Variants in COL24A1 observed in about 807,000 individuals in gnomAD.
The protein encoded by COL24A1 is collagen type XXIV alpha 1 chain.
A neutral mutation model predicts 253.9 loss-of-function variants in COL24A1; 224 were observed. The observed-to-expected ratio is 0.88, with a 90% confidence interval of 0.79 to 0.99. COL24A1 has a LOEUF of 0.99. COL24A1 is among the 50% of genes least tolerant of loss of function. COL24A1 has a pLI of 0.00. For missense variants in COL24A1, 2,131 were observed against 2,068.5 expected (o/e 1.03, Z -0.59); for synonymous variants, 685 against 673.7 (o/e 1.02, Z -0.26).
chr1:86,057,826 TA>T, intron 10 of COL24A1, 104 bp downstream of exon 10: 1 of 972,944 alleles, frequency 1.0e-6, no homozygotes, highest in Non-Finnish European at 1.5e-6. Context: ...ACATTTGAAT[TA>T]AATTCAAAGC....
intron 7 of COL24A1, among the ~76,000 whole-genome samples, chr1:86,078,059 C>T (rs1489550789): frequency 2.6e-5 from 4 of 152,024 alleles, no homozygotes; most frequent in Non-Finnish European, 4.4e-5. Context: ...CAACAAAATA[C>T]TCACAAACTG....
At chr1:85,774,834 A>G (rs967912052) in intron 53 of COL24A1, among the ~76,000 whole-genome samples, 2 of 152,076 alleles carry the variant, frequency 1.3e-5, no homozygotes, top group African/African-American at 4.8e-5. Flanking sequence ...TCCTGGATTC[A>G]TTGATTTCTT....
intron 59 of COL24A1, among the ~76,000 whole-genome samples, chr1:85,731,546 A>G (rs191365749): frequency 7.5e-4 from 114 of 152,330 alleles, no homozygotes; most frequent in African/African-American, 2.5e-3. Flanking sequence ...AGGCACTGTT[A>G]GATTCATTCA....
chr1:85,939,455 T>C (rs550028918), intron 24 of COL24A1, among the ~76,000 whole-genome samples: 2 of 152,180 alleles, frequency 1.3e-5, no homozygotes, highest in Non-Finnish European at 2.9e-5. Context: ...ATATGGTTTC[T>C]GGGGATTGGC....
chr1:85,971,710 C>T (rs920811966), intron 20 of COL24A1, among the ~76,000 whole-genome samples: 1 of 152,060 alleles, frequency 6.6e-6, no homozygotes, highest in South Asian at 2.1e-4. Flanking sequence ...GATAAGAGTA[C>T]AGTAAACCGA....
At chr1:85,901,848 A>AAAAAAT (rs1684344010) in intron 28 of COL24A1, among the ~76,000 whole-genome samples, 1 of 150,654 alleles carries the variant, frequency 6.6e-6, no homozygotes, top group Non-Finnish European at 1.5e-5. Context: ...AAAAAAAAAA[A>AAAAAAT]AGAACTACCA....
At chr1:86,006,615 A>C (rs778492495) in intron 19 of COL24A1, among the ~76,000 whole-genome samples, 11 of 152,210 alleles carry the variant, frequency 7.2e-5, no homozygotes, top group Non-Finnish European at 1.5e-4. Context: ...TTTTAGAAAC[A>C]ACACAAAAGA....
intron 39 of COL24A1, among the ~76,000 whole-genome samples, chr1:85,846,523 T>C (rs1677159706): frequency 6.6e-6 from 1 of 151,888 alleles, no homozygotes; most frequent in African/African-American, 2.4e-5. Context: ...TTTAAGCATA[T>C]AAGGAGTGAT....
intron 19 of COL24A1, among the ~76,000 whole-genome samples, chr1:85,994,072 T>C (rs1404558915): frequency 6.6e-6 from 1 of 152,056 alleles, no homozygotes; most frequent in Non-Finnish European, 1.5e-5. Context: ...ATTGATTTAA[T>C]ATCCACTGTG....
intron 28 of COL24A1, among the ~76,000 whole-genome samples, chr1:85,900,775 T>C (rs1442068989): frequency 6.6e-6 from 1 of 152,206 alleles, no homozygotes; most frequent in Non-Finnish European, 1.5e-5. Context: ...TATAGCCAGC[T>C]GATTTTTGAC....
chr1:86,132,291 A>G (rs1442013967), intron 2 of COL24A1, among the ~76,000 whole-genome samples: 1 of 152,150 alleles, frequency 6.6e-6, no homozygotes, highest in African/African-American at 2.4e-5. Flanking sequence ...GTAGATTGCA[A>G]AAATTTTCTC....
intron 39 of COL24A1, 69 bp from the exon 40 acceptor site, chr1:85,842,462 T>G (rs1347855137): frequency 9.5e-7 from 1 of 1,050,032 alleles, no homozygotes; most frequent in Non-Finnish European, 1.4e-6. Flanking sequence ...AGACTTCTAC[T>G]CCTATTGTTT....
chr1:85,770,189 T>C (rs1667799819), intron 53 of COL24A1, among the ~76,000 whole-genome samples: 1 of 152,186 alleles, frequency 6.6e-6, no homozygotes, highest in African/African-American at 2.4e-5. Flanking sequence ...ATTGAACACA[T>C]CGATTTAAAT....
At chr1:85,980,455 A>G (rs979840916) in intron 20 of COL24A1, among the ~76,000 whole-genome samples, 2 of 152,320 alleles carry the variant, frequency 1.3e-5, no homozygotes, top group African/African-American at 4.8e-5. Context: ...AAAAACTCCT[A>G]GCTCTGATAA....
chr1:85,877,360 G>A (rs780452457), intron 32 of COL24A1, among the ~76,000 whole-genome samples, 185 bp from the exon 33 acceptor site: 4 of 152,028 alleles, frequency 2.6e-5, no homozygotes, highest in South Asian at 2.1e-4. Context: ...ATTCATGTAT[G>A]TGTGTGTGTT....
chr1:86,088,917 C>A (rs1703274700), intron 7 of COL24A1, among the ~76,000 whole-genome samples: 2 of 152,038 alleles, frequency 1.3e-5, no homozygotes, highest in Non-Finnish European at 2.9e-5. Context: ...GAAGGGTCTT[C>A]TTTTATTTTT....
chr1:86,001,704 C>T (rs569048676), intron 19 of COL24A1, among the ~76,000 whole-genome samples: 3 of 151,952 alleles, frequency 2.0e-5, no homozygotes, highest in Non-Finnish European at 4.4e-5. Flanking sequence ...AAAAAAAGAG[C>T]ACACCGATTG....
chr1:85,787,620 C>G (rs1199004794), intron 47 of COL24A1, among the ~76,000 whole-genome samples: 1 of 152,066 alleles, frequency 6.6e-6, no homozygotes, highest in African/African-American at 2.4e-5. Context: ...CATTGATGGG[C>G]ATTTGGGTTG....
chr1:85,739,495 G>A (rs930807737), intron 57 of COL24A1, among the ~76,000 whole-genome samples: 2 of 152,166 alleles, frequency 1.3e-5, no homozygotes, highest in African/African-American at 4.8e-5. Context: ...TGTTGTGCCC[G>A]AAGGTGGCAA....
Sources: gnomAD v4.1 joint callset for allele counts (sites outside exome capture counted in the v4.1 genomes callset) on GRCh38, gnomAD v4.1.1 for gene constraint, MANE v1.5 for transcripts, NCBI Gene and HGNC (gene_info 2026-07-23, HGNC 2026-07-21) for gene names.